Variants in CDH18 observed in about 807,000 individuals in gnomAD.
The protein encoded by CDH18 is cadherin-18.
CDH18 carries 31 observed loss-of-function variants against 67.9 expected under a neutral mutation model. The ratio of observed to expected loss-of-function variants is 0.46; its 90% CI spans 0.34 to 0.62. The LOEUF (loss-of-function observed/expected upper bound fraction) is 0.62, where lower values mean the gene tolerates loss of function less well. CDH18 is among the 20% of genes least tolerant of loss of function. CDH18 has a pLI of 0.01. For synonymous variants in CDH18, 362 were observed against 347.2 expected (o/e 1.04, Z -0.48); for missense variants, 890 against 975.5 (o/e 0.91, Z 1.17).
chr5:19,907,463 G>T (rs1170386539), intron 2 of CDH18, among the ~76,000 whole-genome samples: 1 of 151,860 alleles, frequency 6.6e-6, no homozygotes, highest in African/African-American at 2.4e-5. Flanking sequence ...TACAACATTG[G>T]TAATAATTTT....
intron 1 of CDH18, among the ~76,000 whole-genome samples, chr5:20,556,824 A>G (rs1041101306): frequency 1.3e-5 from 2 of 152,138 alleles, no homozygotes; most frequent in South Asian, 2.1e-4. Context: ...CTTCCTCTAA[A>G]ATAGCCAGAG....
rs559373852 is a variant in CDH18 at position 20,102,016 on chromosome 5, A to G, written c.-517-110002T>C. Among the ~76,000 whole-genome samples, 50 of 152,178 alleles carry G rather than the reference A, an allele frequency of 3.3e-4. 1 individual carries two copies. Among genetic ancestry groups the G allele is most frequent in the Non-Finnish European group, 5.0e-4 (34 of 68,032 alleles). On this transcript the variant is annotated intron_variant, in intron 2 of 14. Coordinates refer to the CDH18 transcript ENST00000507958. ...AACCCGGGAGGCAGAGGTTGCAGTG[A>G]GCTGAGATCGCGCCACTGTACTCCA...
chr5:20,347,347 T>G (rs1365720650), intron 1 of CDH18, among the ~76,000 whole-genome samples: 1 of 152,140 alleles, frequency 6.6e-6, no homozygotes, highest in Non-Finnish European at 1.5e-5. Flanking sequence ...ACAAACAATG[T>G]CCCCTCACAG....
At chr5:20,003,714 A>T (rs1241407301) in intron 2 of CDH18, among the ~76,000 whole-genome samples, 1 of 152,092 alleles carries the variant, frequency 6.6e-6, no homozygotes, top group Non-Finnish European at 1.5e-5. Flanking sequence ...AATACGGTGA[A>T]ACCCCGTCTC....
chr5:19,807,935 T>G (rs1581437815), intron 3 of CDH18, among the ~76,000 whole-genome samples: 2 of 152,272 alleles, frequency 1.3e-5, no homozygotes, highest in Non-Finnish European at 2.9e-5. Flanking sequence ...ATAAACAATG[T>G]GTAACATAGT....
At position 20,376,091 on chromosome 5, in the gene CDH18, ATTT is replaced by A. The variant is rs562655039; in HGVS notation, c.-579-120589_-579-120587del. 2.6e-4 allele frequency among the ~76,000 whole-genome samples: 13 copies of A among 49,768 alleles called. 2 individuals are homozygous for A. Among genetic ancestry groups the A allele is most frequent in the Non-Finnish European group, 4.2e-4 (11 of 26,014 alleles). The allele number at this position is 49,768 out of a possible 152,430, so 32.6% of individuals were successfully genotyped here. A position where few individuals can be genotyped will look rare whatever the true frequency, so the allele number is the denominator to read the frequency against. On this transcript the variant is annotated intron_variant, in intron 1 of 14. Coordinates refer to the CDH18 transcript ENST00000507958. Reference sequence around the variant, plus strand: ...ACAGTAAGCAATTTAAAAAGAAACAATTTTTTTTTTTTTTTTTTTTGAGACGGA... The same window carrying A: ...ACAGTAAGCAATTTAAAAAGAAACAATTTTTTTTTTTTTTTTTGAGACGGA...
intron 2 of CDH18, among the ~76,000 whole-genome samples, chr5:19,894,679 A>G (rs1338900168): frequency 2.0e-5 from 3 of 152,116 alleles, no homozygotes; most frequent in Admixed American, 6.6e-5. Context: ...TGGTTGTCAT[A>G]CAGCATTTTA....
At chr5:19,873,358 G>A (rs1296616874) in intron 2 of CDH18, among the ~76,000 whole-genome samples, 1 of 152,088 alleles carries the variant, frequency 6.6e-6, no homozygotes. Context: ...TACAGCAAAG[G>A]GAATGAAGGC....
At chr5:20,467,217 A>G in intron 1 of CDH18, among the ~76,000 whole-genome samples, 1 of 152,122 alleles carries the variant, frequency 6.6e-6, no homozygotes, top group Non-Finnish European at 1.5e-5. Flanking sequence ...AGTATGTATC[A>G]TCTCCTATGA....
chr5:19,956,715 T>A (rs951031780), intron 2 of CDH18, among the ~76,000 whole-genome samples: 2 of 151,928 alleles, frequency 1.3e-5, no homozygotes, highest in Non-Finnish European at 2.9e-5. Flanking sequence ...TAATACAGTA[T>A]ATATTTTACT....
rs373416098 is a variant in CDH18, at chr5:20,191,166, A to G, written c.-518+64278T>C. 9.2e-5 allele frequency among the ~76,000 whole-genome samples: 14 copies of G among 152,294 alleles called. No homozygotes were observed. In the East Asian group the frequency reaches 1.7e-3, roughly 19 times the overall value. On this transcript the variant is annotated intron_variant, in intron 2 of 14. Coordinates refer to the CDH18 transcript ENST00000507958. The stretch of plus-strand genomic sequence containing the variant: ...AATCATGGGTAAAAAGCTGAAGAAC[A>G]AAATGAGAAAAAGTTTGATATACCT...
At chr5:20,544,565 AGAG>A (rs140913122) in intron 1 of CDH18, among the ~76,000 whole-genome samples, 6,882 of 152,170 alleles carry the variant, frequency 0.045, 498 homozygotes, top group African/African-American at 0.15. Flanking sequence ...CTTACATGGC[AGAG>A]GAGAGAGAGA....
chr5:19,857,862 A>G (rs907032322), intron 2 of CDH18, among the ~76,000 whole-genome samples: 6 of 152,182 alleles, frequency 3.9e-5, no homozygotes, highest in Admixed American at 1.3e-4. Flanking sequence ...TGTTAAAGAA[A>G]ACCACTTTCA....
At chr5:19,776,555 A>G (rs1397962781) in intron 3 of CDH18, among the ~76,000 whole-genome samples, 2 of 152,138 alleles carry the variant, frequency 1.3e-5, no homozygotes. Context: ...TGATAGTACT[A>G]TGATCAAATT....
At chr5:20,368,993 C>T (rs1742750964) in intron 1 of CDH18, among the ~76,000 whole-genome samples, 1 of 152,114 alleles carries the variant, frequency 6.6e-6, no homozygotes, top group Admixed American at 6.6e-5. Context: ...TCTCATTATG[C>T]TTGACTTTTT....
chr5:19,763,265 A>T (rs1347152319), intron 3 of CDH18, among the ~76,000 whole-genome samples: 1 of 152,252 alleles, frequency 6.6e-6, no homozygotes, highest in African/African-American at 2.4e-5. Context: ...ATAATGCTAT[A>T]GCAGTGAATA....
chr5:19,788,060 C>T (rs1457463753), intron 3 of CDH18, among the ~76,000 whole-genome samples: 2 of 151,990 alleles, frequency 1.3e-5, no homozygotes, highest in Non-Finnish European at 2.9e-5. Flanking sequence ...CTAAAATTAA[C>T]TAATGCTGAT....
chr5:19,776,786 T>C (rs1255368850), intron 3 of CDH18, among the ~76,000 whole-genome samples: 6 of 152,196 alleles, frequency 3.9e-5, no homozygotes, highest in Non-Finnish European at 8.8e-5. Context: ...TTTGTAACAC[T>C]GAACAATGTA....
chr5:20,494,871 A>G (rs916498697), intron 1 of CDH18, among the ~76,000 whole-genome samples: 1 of 152,180 alleles, frequency 6.6e-6, no homozygotes, highest in Non-Finnish European at 1.5e-5. Flanking sequence ...ACATGCTGAC[A>G]TGCTATTTTA....
Sources: allele counts gnomAD v4.1 joint callset (sites outside exome capture counted in the v4.1 genomes callset), GRCh38; gene constraint gnomAD v4.1.1; transcripts MANE v1.5; gene names NCBI Gene and HGNC (gene_info 2026-07-23, HGNC 2026-07-21).